Variants in FRMD5 observed in about 807,000 individuals in gnomAD.
FRMD5 encodes FERM domain containing 5, also known as FERM domain-containing protein 5.
In FRMD5, 20 loss-of-function variants were observed where a neutral mutation model predicts 69.0. That is an observed-to-expected ratio of 0.29 (90% CI 0.20 to 0.42). FRMD5 has a LOEUF of 0.42. Ranked by LOEUF, FRMD5 falls within the 10% of genes least tolerant of loss-of-function variation. FRMD5 has a pLI of 1.00. For missense variants in FRMD5, 595 were observed against 708.6 expected, an observed-to-expected ratio of 0.84 and a Z score of 1.82; for synonymous variants, 271 against 260.1, an observed-to-expected ratio of 1.04 and a Z score of -0.40.
intron 1 of FRMD5, among the ~76,000 whole-genome samples, chr15:43,937,355 A>T (rs2089778074): frequency 6.6e-6 from 1 of 152,172 alleles, no homozygotes; most frequent in Non-Finnish European, 1.5e-5. Context: ...GTTTATTAAG[A>T]AGTGCTCTTC....
At chr15:44,168,709 G>C (rs977925027) in intron 1 of FRMD5, among the ~76,000 whole-genome samples, 3 of 152,148 alleles carry the variant, frequency 2.0e-5, no homozygotes, top group Non-Finnish European at 4.4e-5. Context: ...TTAGGGGCTA[G>C]GACAATTCAA....
chr15:44,121,010 G>A (rs1425488481), intron 1 of FRMD5, among the ~76,000 whole-genome samples: 1 of 151,872 alleles, frequency 6.6e-6, no homozygotes, highest in Non-Finnish European at 1.5e-5. Flanking sequence ...TGGAAATTGA[G>A]GCCACAGGTA....
intron 1 of FRMD5, among the ~76,000 whole-genome samples, chr15:43,955,870 G>C (rs1338331325): frequency 2.0e-5 from 3 of 151,994 alleles, no homozygotes; most frequent in Non-Finnish European, 4.4e-5. Flanking sequence ...AATGTTTTCA[G>C]AGTTTCAGAT....
intron 1 of FRMD5, among the ~76,000 whole-genome samples, chr15:43,925,650 C>T (rs867561146): frequency 6.6e-6 from 1 of 152,174 alleles, no homozygotes; most frequent in Non-Finnish European, 1.5e-5. Context: ...CTGATCATGG[C>T]GTCCCAGGCC....
intron 8 of FRMD5, among the ~76,000 whole-genome samples, chr15:43,890,459 T>A (rs1325203942): frequency 6.6e-6 from 1 of 152,190 alleles, no homozygotes; most frequent in Non-Finnish European, 1.5e-5. Flanking sequence ...AGCCAAACAT[T>A]CCCTCTAACA....
chr15:43,888,118 G>T, intron 10 of FRMD5, 57 bp downstream of exon 10: 2 of 1,375,874 alleles, frequency 1.5e-6, no homozygotes, highest in South Asian at 1.2e-5. Flanking sequence ...TCCTGTCACC[G>T]ACTCTCTCTG....
intron 4 of FRMD5, chr15:43,917,893 G>A (rs1326988103): frequency 6.6e-6 from 1 of 152,290 alleles, no homozygotes; most frequent in Non-Finnish European, 1.5e-5. Context: ...CTTCAAAGTA[G>A]GTGGGTACAC....
At chr15:43,895,389 G>A (rs551324801) in intron 7 of FRMD5, among the ~76,000 whole-genome samples, 1 of 152,320 alleles carries the variant, frequency 6.6e-6, no homozygotes, top group Non-Finnish European at 1.5e-5. Flanking sequence ...CCTCTGCAGA[G>A]CAAAGGGAAT....
chr15:44,076,212 T>C (rs576911470), intron 1 of FRMD5, among the ~76,000 whole-genome samples: 1 of 152,194 alleles, frequency 6.6e-6, no homozygotes, highest in South Asian at 2.1e-4. Flanking sequence ...GAAGTCAGTG[T>C]GGCAATTCCT....
chr15:44,170,250 C>T (rs1006768084), intron 1 of FRMD5, among the ~76,000 whole-genome samples: 1 of 152,144 alleles, frequency 6.6e-6, no homozygotes, highest in African/African-American at 2.4e-5. Context: ...TTAGGCCAGA[C>T]ATGGTGGCTC....
At chr15:44,185,210 A>C (rs917460651) in intron 1 of FRMD5, among the ~76,000 whole-genome samples, 2 of 152,178 alleles carry the variant, frequency 1.3e-5, no homozygotes, top group Non-Finnish European at 2.9e-5. Context: ...TTTCACATGT[A>C]CTAGAATCTG....
chr15:43,936,581 C>T (rs992339419), intron 1 of FRMD5, among the ~76,000 whole-genome samples: 2 of 152,036 alleles, frequency 1.3e-5, no homozygotes, highest in Non-Finnish European at 2.9e-5. Flanking sequence ...CTCCTAATAC[C>T]CAGTGAGATC....
intron 1 of FRMD5, among the ~76,000 whole-genome samples, chr15:44,162,867 CAAAA>C (rs371915126): frequency 8.0e-5 from 3 of 37,298 alleles, no homozygotes; most frequent in Admixed American, 2.9e-4. Flanking sequence ...AACTCCGTCT[CAAAA>C]AAAAAAAAAA....
intron 4 of FRMD5, among the ~76,000 whole-genome samples, chr15:43,913,831 T>C (rs1258150044): frequency 6.6e-6 from 1 of 152,240 alleles, no homozygotes; most frequent in Non-Finnish European, 1.5e-5. Context: ...GTAATTCACT[T>C]AGTTATCAGG....
intron 1 of FRMD5, among the ~76,000 whole-genome samples, chr15:43,972,458 G>T (rs1194164169): frequency 6.6e-6 from 1 of 152,050 alleles, no homozygotes; most frequent in Non-Finnish European, 1.5e-5. Context: ...GGGGTTAGCG[G>T]TTACTAATCT....
At chr15:44,153,944 G>C (rs1328464454) in intron 1 of FRMD5, among the ~76,000 whole-genome samples, 1 of 152,062 alleles carries the variant, frequency 6.6e-6, no homozygotes, top group East Asian at 1.9e-4. Context: ...CTCCAGCCTA[G>C]GTGACGACAG....
At chr15:44,143,474 A>G (rs1379488264) in intron 1 of FRMD5, among the ~76,000 whole-genome samples, 1 of 152,070 alleles carries the variant, frequency 6.6e-6, no homozygotes, top group African/African-American at 2.4e-5. Flanking sequence ...CTGGCCATGA[A>G]GAACTATGAT....
At position 44,004,867 on chromosome 15, in the gene FRMD5, T is replaced by G. The variant is rs557060514; in HGVS notation, c.103-80558A>C. On this transcript the variant is annotated intron_variant, in intron 1 of 13. Transcript: ENST00000417257. ...TGAAAGCTAGGCTTCTTGAGCCAAA[T>G]AGCCAAATTTGTAAATGCAAAGGAA... 1.6e-4 allele frequency among the ~76,000 whole-genome samples: 25 copies of G among 152,352 alleles called. 1 individual carries two copies. In the South Asian group the frequency reaches 4.8e-3, roughly 29 times the overall value.
intron 1 of FRMD5, among the ~76,000 whole-genome samples, chr15:44,061,569 T>C (rs1382664607): frequency 6.6e-6 from 1 of 152,244 alleles, no homozygotes; most frequent in Non-Finnish European, 1.5e-5. Flanking sequence ...CATAAATGTG[T>C]AACTACTCAT....
Sources: gnomAD v4.1 joint callset for allele counts (sites outside exome capture counted in the v4.1 genomes callset) on GRCh38, gnomAD v4.1.1 for gene constraint, MANE v1.5 for transcripts, NCBI Gene and HGNC (gene_info 2026-07-23, HGNC 2026-07-21) for gene names.